Variants in ELP1 observed in about 807,000 individuals in gnomAD.
The protein encoded by ELP1 is elongator complex protein 1.
In ELP1, 131 loss-of-function variants were observed where a neutral mutation model predicts 183.2. That is an observed-to-expected ratio of 0.72 (90% CI 0.62 to 0.83). The LOEUF is 0.83. Ranked by LOEUF, ELP1 falls within the 40% of genes least tolerant of loss-of-function variation. The pLI, the probability that ELP1 is intolerant of heterozygous loss-of-function variation, is 0.00. For missense variants in ELP1, 1,550 were observed against 1,594.9 expected (o/e 0.97, Z 0.48); for synonymous variants, 555 against 569.0 (o/e 0.98, Z 0.35).
chr9:108,930,740 A>T (rs1325872550), intron 2 of ELP1, among the ~76,000 whole-genome samples: 1 of 152,126 alleles, frequency 6.6e-6, no homozygotes, highest in African/African-American at 2.4e-5. Context: ...TTGCATGACA[A>T]AGAGGGTAAA....
intron 1 of ELP1, among the ~76,000 whole-genome samples, chr9:108,932,512 T>C (rs906171364): frequency 3.3e-5 from 5 of 152,128 alleles, no homozygotes; most frequent in African/African-American, 1.2e-4. Context: ...CAGTTAATTT[T>C]TGTATTTTTA....
intron 12 of ELP1, among the ~76,000 whole-genome samples, chr9:108,909,251 C>A (rs1317052768): frequency 1.3e-5 from 2 of 152,010 alleles, no homozygotes; most frequent in East Asian, 3.9e-4. Context: ...TCTGATAGAT[C>A]ATATTTAATT....
At chr9:108,911,538 T>C (rs1015569990) in intron 11 of ELP1, among the ~76,000 whole-genome samples, 2 of 152,148 alleles carry the variant, frequency 1.3e-5, no homozygotes, top group Non-Finnish European at 2.9e-5. Flanking sequence ...TTAAAGCACT[T>C]TCCTATGTGT....
chr9:108,906,016 C>T (rs558499477), intron 14 of ELP1, among the ~76,000 whole-genome samples: 22 of 152,144 alleles, frequency 1.4e-4, no homozygotes, highest in South Asian at 1.2e-3. Context: ...ATAACAATCA[C>T]GCTGGAAAAA....
Position 108,897,029 on chromosome 9 carries a change from T to C in ELP1, c.2511A>G (p.Leu837=). ...MESINPHKYC[L]SILTSHVKKT... ...TCTTTACATGAGATGTAAGTATGGA[T>C]AGGCAGTATCTGAGGTAATAAGTGA... The change falls in exon 24 of 37, where the codon CTA becomes CTG. Residue 837 remains leucine, a synonymous_variant. Transcript: ENST00000374647. 3 of 1,613,954 alleles carry C rather than the reference T, an allele frequency of 1.9e-6. No individual in the cohort carries two copies. The highest frequency in any genetic ancestry group is 1.1e-5 in the South Asian group (1 of 91,074).
rs145483983 is a variant in ELP1 at position 108,878,788 on chromosome 9, G to A, written c.3573-38C>T. On this transcript the variant is annotated intron_variant, in intron 33 of 36. Transcript: ENST00000374647. ...ACACAGATATTTTTAAGCCTCCTGAGTAGCTAGGACTACAGGCATGTGCTA... is the reference window on the plus strand; with the variant it reads ...ACACAGATATTTTTAAGCCTCCTGAATAGCTAGGACTACAGGCATGTGCTA... 1.7e-5 allele frequency: 27 copies of A among 1,611,178 alleles called. No individual in the cohort carries two copies. In the African/African-American group the frequency reaches 3.5e-4, roughly 21 times the overall value.
At chr9:108,920,367 T>C (rs1829600417) in intron 6 of ELP1, among the ~76,000 whole-genome samples, 1 of 151,520 alleles carries the variant, frequency 6.6e-6, no homozygotes, top group African/African-American at 2.4e-5. Context: ...CCGCAACCTC[T>C]GCCTCCCAGG....
intron 19 of ELP1, 57 bp downstream of exon 19, chr9:108,900,203 T>C: frequency 1.7e-6 from 2 of 1,191,354 alleles, no homozygotes; most frequent in Admixed American, 3.4e-5. Context: ...AGAATTATGC[T>C]TGGTACTTGG....
intron 18 of ELP1, among the ~76,000 whole-genome samples, chr9:108,900,722 A>C (rs143916075): frequency 5.3e-4 from 80 of 152,350 alleles, no homozygotes; most frequent in African/African-American, 1.8e-3. Flanking sequence ...AGTTGGAAGC[A>C]AAGAAAATAA....
intron 36 of ELP1, among the ~76,000 whole-genome samples, chr9:108,871,147 T>G (rs1013759792): frequency 6.6e-6 from 1 of 152,122 alleles, no homozygotes; most frequent in Admixed American, 6.5e-5. Context: ...GATGGCATCA[T>G]TGATGGTGTA....
At chr9:108,898,301 T>C (rs891047949) in intron 22 of ELP1, among the ~76,000 whole-genome samples, 1 of 152,216 alleles carries the variant, frequency 6.6e-6, no homozygotes, top group African/African-American at 2.4e-5. Context: ...CTGAATGACA[T>C]GTTTTAAGGA....
chr9:108,888,926 T>C (rs1458284377), intron 29 of ELP1, among the ~76,000 whole-genome samples: 1 of 152,164 alleles, frequency 6.6e-6, no homozygotes, highest in African/African-American at 2.4e-5. Flanking sequence ...TACCTCCAGG[T>C]CCCTGAGGTA....
intron 4 of ELP1, 105 bp from the exon 5 acceptor site, chr9:108,926,708 G>T: frequency 1.3e-6 from 1 of 794,806 alleles, no homozygotes; most frequent in Non-Finnish European, 2.1e-6. Context: ...AGTCTGAACA[G>T]AGCAGACAGA....
At chr9:108,908,589 A>G (rs1353034463) in intron 12 of ELP1, among the ~76,000 whole-genome samples, 185 bp from the exon 13 acceptor site, 1 of 152,222 alleles carries the variant, frequency 6.6e-6, no homozygotes, top group East Asian at 1.9e-4. Context: ...CTTCCCTGAC[A>G]AAGGCCACAT....
intron 36 of ELP1, among the ~76,000 whole-genome samples, chr9:108,874,062 A>G (rs1021057574): frequency 3.9e-5 from 6 of 152,218 alleles, no homozygotes; most frequent in African/African-American, 1.4e-4. Context: ...CTTAATTTGA[A>G]TCCCCACAGG....
intron 20 of ELP1, among the ~76,000 whole-genome samples, chr9:108,899,273 C>A (rs1828679059): frequency 6.6e-6 from 1 of 151,642 alleles, no homozygotes; most frequent in South Asian, 2.1e-4. Context: ...GTACTCCAGC[C>A]TGGGTGACAG....
In ELP1 at chr9:108,896,993, T is replaced by C. The variant is rs764837607; in HGVS notation, c.2547A>G (p.Pro849=). The change falls in exon 24 of 37, where the codon CCA becomes CCG. Residue 849 remains proline (P), a synonymous_variant. Coordinates refer to ENST00000374647, the MANE Select transcript of ELP1 (RefSeq NM_003640.5). Reference sequence around the variant, plus strand: ...CTTTTTGCAGTACAATTTCCAGTTCTGGGGTTGTCTTCTTTACATGAGATG... The same window carrying C: ...CTTTTTGCAGTACAATTTCCAGTTCCGGGGTTGTCTTCTTTACATGAGATG... ...ILTSHVKKTT[P]ELEIVLQKVH... is the part of the protein sequence containing the mutation. 9.3e-6 allele frequency: 15 copies of C among 1,614,024 alleles called. No individual in the cohort carries two copies. Among genetic ancestry groups the C allele is most frequent in the South Asian group, 6.6e-5 (6 of 91,074 alleles).
chr9:108,893,887 G>A, intron 26 of ELP1, 56 bp downstream of exon 26: 3 of 1,582,840 alleles, frequency 1.9e-6, no homozygotes, highest in Non-Finnish European at 2.6e-6. Flanking sequence ...TTTATACCTT[G>A]CCTAGTTCCA....
intron 3 of ELP1, among the ~76,000 whole-genome samples, chr9:108,928,979 T>C (rs1235548427): frequency 6.6e-6 from 1 of 152,206 alleles, no homozygotes; most frequent in African/African-American, 2.4e-5. Flanking sequence ...CTGCCTCTTC[T>C]GAAGAATAGG....
Sources: allele counts gnomAD v4.1 joint callset (sites outside exome capture counted in the v4.1 genomes callset), GRCh38; gene constraint gnomAD v4.1.1; transcripts MANE v1.5; gene names NCBI Gene and HGNC (gene_info 2026-07-23, HGNC 2026-07-21).